Variants in PARVA observed in about 807,000 individuals in gnomAD.
PARVA encodes the protein alpha-parvin.
In PARVA, 25 loss-of-function variants were observed where a neutral mutation model predicts 52.6. That is an observed-to-expected ratio of 0.48 (90% CI 0.35 to 0.66). The LOEUF is 0.66. Ranked by LOEUF, PARVA falls within the 30% of genes least tolerant of loss-of-function variation. The pLI is 0.01. For missense variants in PARVA, 373 were observed against 450.9 expected (o/e 0.83, Z 1.56); for synonymous variants, 185 against 179.1 (o/e 1.03, Z -0.26).
chr11:12,468,400 C>T (rs983942703), intron 1 of PARVA, among the ~76,000 whole-genome samples: 3 of 152,326 alleles, frequency 2.0e-5, no homozygotes, highest in Middle Eastern at 3.4e-3. Flanking sequence ...TGCTTTTCCC[C>T]TGGTATTCTT....
rs1404768628 is a variant in PARVA, at chr11:12,518,517, G to A, written c.1042G>A (p.Asp348Asn). 8 of 1,610,966 alleles carry A rather than the reference G, an allele frequency of 5.0e-6. No homozygotes were observed. The highest frequency in any genetic ancestry group is 6.8e-6 in the Non-Finnish European group (8 of 1,177,916). ...GLEKPKPRPE[D>N]IVNCDLKSTL... ...GGAAAAGCCAAAACCGCGGCCAGAA[G>A]GTACTTTGCTCTTTCCTGGGTTTGT... The change falls in exon 12 of 13, where the codon GAC (aspartate) becomes AAC (asparagine). Residue 348 changes from aspartate (D) to asparagine (N), a missense_variant and splice_region_variant. Asp to Asn is a conservative substitution (Grantham distance 23). Transcript: ENST00000334956.
Position 12,390,801 on chromosome 11 carries a change from A to C in PARVA, c.136+13018A>C, listed in dbSNP as rs141616537. The stretch of plus-strand genomic sequence containing the variant: ...TGAGGCAGACCTGCAGATGACAGGT[A>C]ATTAATAATGACAGCTGGGAGAAGC... On this transcript the variant is annotated intron_variant, in intron 1 of 12. Coordinates refer to ENST00000334956, the MANE Select transcript of PARVA (RefSeq NM_018222.5). 6.6e-5 allele frequency among the ~76,000 whole-genome samples: 10 copies of C among 152,338 alleles called. 1 individual carries two copies. The East Asian group carries it at 1.9e-3, about 29-fold the overall frequency.
At chr11:12,466,959 A>C (rs1940861902) in intron 1 of PARVA, among the ~76,000 whole-genome samples, 2 of 152,184 alleles carry the variant, frequency 1.3e-5, no homozygotes, top group Admixed American at 1.3e-4. Context: ...TTAACATTGA[A>C]TCTATAGATG....
At chr11:12,508,099 T>TAAAA (rs35314523) in intron 6 of PARVA, among the ~76,000 whole-genome samples, 35 of 91,790 alleles carry the variant, frequency 3.8e-4, no homozygotes, top group Admixed American at 5.8e-4. Flanking sequence ...ATTTATCAGT[T>TAAAA]AAAAAAAAAA....
chr11:12,514,326 C>T (rs1263658780), intron 10 of PARVA, among the ~76,000 whole-genome samples: 3 of 152,244 alleles, frequency 2.0e-5, no homozygotes, highest in Non-Finnish European at 4.4e-5. Context: ...CTCTCTCTTT[C>T]TCTGCACCCC....
intron 1 of PARVA, among the ~76,000 whole-genome samples, chr11:12,454,546 A>C (rs1940669782): frequency 6.6e-6 from 1 of 150,838 alleles, no homozygotes. Flanking sequence ...CTTCTGCTTT[A>C]CCCCCGCAAT....
chr11:12,428,858 T>C (rs746044557), intron 1 of PARVA, among the ~76,000 whole-genome samples: 2 of 152,198 alleles, frequency 1.3e-5, no homozygotes, highest in South Asian at 2.1e-4. Flanking sequence ...AATACAGGGG[T>C]ATCATTTGCT....
rs2135096775 is a variant in PARVA, at chr11:12,530,134, C to T, written c.*2209C>T. On this transcript the variant is annotated 3_prime_UTR_variant, in exon 13 of 13. Coordinates refer to ENST00000334956, the MANE Select transcript of PARVA (RefSeq NM_018222.5). ...GCTCCTTTTGTATTTTACATATATACAGTATGAAAATACATTGGAACACTA... is the reference window on the plus strand; with the variant it reads ...GCTCCTTTTGTATTTTACATATATATAGTATGAAAATACATTGGAACACTA... 6.6e-6 allele frequency: 1 copy of T among 152,214 alleles called. No individual in the cohort carries two copies. Among genetic ancestry groups the T allele is most frequent in the East Asian group, 1.9e-4 (1 of 5,184 alleles). 9.4% of individuals were successfully genotyped at this position (152,214 alleles called of 1,614,324 possible).
intron 10 of PARVA, among the ~76,000 whole-genome samples, chr11:12,517,124 G>C (rs1431204694): frequency 2.0e-5 from 3 of 151,986 alleles, no homozygotes; most frequent in Admixed American, 6.6e-5. Context: ...CTCATCCTCA[G>C]CTCTCCACTC....
chr11:12,456,661 C>G (rs1474247695), intron 1 of PARVA, among the ~76,000 whole-genome samples: 1 of 152,090 alleles, frequency 6.6e-6, no homozygotes, highest in African/African-American at 2.4e-5. Context: ...TCTCATGTCT[C>G]CAGCCCTTTT....
intron 5 of PARVA, among the ~76,000 whole-genome samples, chr11:12,501,430 T>C (rs533299088): frequency 3.7e-4 from 57 of 152,252 alleles, no homozygotes; most frequent in African/African-American, 1.3e-3. Context: ...TATTCAACTA[T>C]GGTTGGTCCA....
Position 12,531,043 on chromosome 11 carries a change from G to A in PARVA, c.*3118G>A, listed in dbSNP as rs1941766166. On this transcript the variant is annotated 3_prime_UTR_variant, in exon 13 of 13. Coordinates refer to ENST00000334956, the MANE Select transcript of PARVA (RefSeq NM_018222.5). The stretch of plus-strand genomic sequence containing the variant: ...GGTGAATTGTATGCAGATTGATGAA[G>A]GTTTCATTTTTATATATTACCAGGA... 6.6e-6 allele frequency among the ~76,000 whole-genome samples: 1 copy of A among 152,116 alleles called. No homozygotes were observed. The highest frequency in any genetic ancestry group is 2.4e-5 in the African/African-American group (1 of 41,412).
intron 3 of PARVA, among the ~76,000 whole-genome samples, chr11:12,475,304 A>G (rs906215537): frequency 6.6e-6 from 1 of 152,186 alleles, no homozygotes; most frequent in Non-Finnish European, 1.5e-5. Context: ...AGCTTGCTCT[A>G]AACTCTAGTG....
intron 4 of PARVA, chr11:12,478,303 G>A: frequency 2.7e-6 from 1 of 366,724 alleles, no homozygotes; most frequent in South Asian, 2.2e-5. Context: ...TACATGCATG[G>A]GCCTGAGTAT....
chr11:12,473,464 C>T (rs150474881), intron 1 of PARVA, among the ~76,000 whole-genome samples: 2 of 152,180 alleles, frequency 1.3e-5, no homozygotes, highest in East Asian at 1.9e-4. Flanking sequence ...CCATTCATTC[C>T]GAAATCTTTT....
chr11:12,474,114 C>T, intron 3 of PARVA, 131 bp downstream of exon 3: 1 of 717,978 alleles, frequency 1.4e-6, no homozygotes, highest in South Asian at 1.6e-5. Flanking sequence ...CTGCCTCAGG[C>T]AGTGAGTTGT....
chr11:12,482,222 T>C (rs908158546), intron 4 of PARVA, among the ~76,000 whole-genome samples: 6 of 150,408 alleles, frequency 4.0e-5, no homozygotes, highest in African/African-American at 1.5e-4. Flanking sequence ...GTTGATTACA[T>C]TGTGGAGCAA....
chr11:12,417,439 A>G (rs1221240056), intron 1 of PARVA, among the ~76,000 whole-genome samples: 1 of 152,214 alleles, frequency 6.6e-6, no homozygotes, highest in Admixed American at 6.5e-5. Context: ...GTATATATGT[A>G]AAAATATATA....
chr11:12,476,120 G>T (rs1941011027), intron 3 of PARVA, among the ~76,000 whole-genome samples: 1 of 152,262 alleles, frequency 6.6e-6, no homozygotes, highest in African/African-American at 2.4e-5. Context: ...GGCTCCAAAT[G>T]GTTTAGGCTT....
Sources: allele counts gnomAD v4.1 joint callset (sites outside exome capture counted in the v4.1 genomes callset), GRCh38; gene constraint gnomAD v4.1.1; transcripts MANE v1.5; gene names NCBI Gene and HGNC (gene_info 2026-07-23, HGNC 2026-07-21).